CACNA1H: variants seen among roughly 807,000 people sequenced by gnomAD.
The protein encoded by CACNA1H is voltage-dependent T-type calcium channel subunit alpha-1H.
A neutral mutation model predicts 192.5 loss-of-function variants in CACNA1H; 149 were observed. The ratio of observed to expected loss-of-function variants is 0.77; its 90% CI spans 0.68 to 0.89. The LOEUF (loss-of-function observed/expected upper bound fraction) is 0.89. CACNA1H is among the 40% of genes least tolerant of loss of function. The pLI, the probability that CACNA1H is intolerant of heterozygous loss-of-function variation, is 0.00. For synonymous variants in CACNA1H, 2,202 were observed against 1,475.2 expected (o/e 1.49, Z -11.29); for missense variants, 4,257 against 3,423.5 (o/e 1.24, Z -6.08).
Position 1,198,628 on chromosome 16 carries a change from G to C in CACNA1H, c.657G>C (p.Leu219=), listed in dbSNP as rs376669194. The C allele has an allele frequency of 8.7e-6, 14 of 1,613,040 alleles. No individual in the cohort carries two copies. Among genetic ancestry groups the C allele is most frequent in the African/African-American group, 1.3e-5 (1 of 74,876 alleles). The change falls in exon 6 of 35, where the codon CTG becomes CTC. Residue 219 remains leucine (L), a synonymous_variant. Coordinates refer to ENST00000348261, the MANE Select transcript of CACNA1H (RefSeq NM_021098.3). The part of the protein sequence containing the change: ...AINRVPSMRI[L]VTLLLDTLPM... ...TGCTGCCCACAGGCATGCGGATCCT[G>C]GTCACTCTGCTGCTGGATACGCTGC...
At chr16:1,156,746 T>C (rs903893144) in intron 2 of CACNA1H, among the ~76,000 whole-genome samples, 1 of 151,864 alleles carries the variant, frequency 6.6e-6, no homozygotes, top group Non-Finnish European at 1.5e-5. Flanking sequence ...CCCCAGCTGC[T>C]GTCCGCCGGG....
At chr16:1,196,214 A>T (rs1240208624) in intron 5 of CACNA1H, among the ~76,000 whole-genome samples, 191 bp downstream of exon 5, 1 of 152,240 alleles carries the variant, frequency 6.6e-6, no homozygotes, top group African/African-American at 2.4e-5. Flanking sequence ...GTCAGGGGAG[A>T]ATCAAGCTGC....
chr16:1,195,404 C>T (rs987935496), intron 3 of CACNA1H, 28 bp from the exon 4 acceptor site: 8 of 1,550,186 alleles, frequency 5.2e-6, no homozygotes, highest in Middle Eastern at 3.8e-4. Flanking sequence ...AGCTGTTCCA[C>T]GGGCCCTCCT....
intron 8 of CACNA1H, 141 bp from the exon 9 acceptor site, chr16:1,201,522 A>G: frequency 9.7e-7 from 1 of 1,028,216 alleles, no homozygotes; most frequent in Non-Finnish European, 1.4e-6. Context: ...TGAACACCGC[A>G]GCAGCCTGCC....
chr16:1,169,837 G>C (rs553183846), intron 2 of CACNA1H, among the ~76,000 whole-genome samples: 35 of 152,372 alleles, frequency 2.3e-4, no homozygotes, highest in Admixed American at 2.2e-3. Flanking sequence ...GCCCAGGACC[G>C]GCTTCCCCGT....
intron 2 of CACNA1H, among the ~76,000 whole-genome samples, chr16:1,194,099 G>A (rs959764228): frequency 3.3e-5 from 5 of 152,234 alleles, no homozygotes; most frequent in South Asian, 4.2e-4. Flanking sequence ...TGTGGTCTGC[G>A]CCAGGTGGGT....
chr16:1,163,445 C>G (rs1240732613), intron 2 of CACNA1H, among the ~76,000 whole-genome samples: 6 of 152,230 alleles, frequency 3.9e-5, no homozygotes, highest in Non-Finnish European at 8.8e-5. Flanking sequence ...CCAGCCCCCT[C>G]TGAAGCCGCA....
chr16:1,199,529 C>T lies in CACNA1H; in HGVS notation c.804-727C>T, dbSNP rs77356641. On this transcript the variant is annotated intron_variant, in intron 6 of 34. Transcript: ENST00000348261. ...TGTCCCACCCCCAGTGCTGCCACCT[C>T]TCAGCCCCCAAGACAGGTTAGTCCC... 1.3e-3 allele frequency among the ~76,000 whole-genome samples: 196 copies of T among 147,744 alleles called. 7 individuals carry two copies. The highest frequency in any genetic ancestry group is 3.5e-3 in the African/African-American group (135 of 38,906).
chr16:1,215,652 C>T (rs900400864), intron 30 of CACNA1H, 59 bp downstream of exon 30: 12 of 1,414,550 alleles, frequency 8.5e-6, no homozygotes, highest in South Asian at 2.5e-5. Context: ...TTGCAGGGAG[C>T]GCCTCGCCGT....
chr16:1,221,742 G>T lies in CACNA1H; in HGVS notation c.*748G>T. 1 of 1,516,856 alleles carries T rather than the reference G, an allele frequency of 6.6e-7. No homozygotes were observed. The highest frequency in any genetic ancestry group is 8.9e-7 in the Non-Finnish European group (1 of 1,121,324). The allele number at this position is 1,516,856 out of a possible 1,614,324, so 94.0% of individuals were successfully genotyped here. A position where few individuals can be genotyped will look rare whatever the true frequency, so the allele number is the denominator to read the frequency against. ...TCAAGGGAGAGGGAGGGGGCGGAGC[G>T]GAATAAATAGTAACTTATTTAAGAA... On this transcript the variant is annotated 3_prime_UTR_variant, in exon 35 of 35. Transcript: ENST00000348261.
chr16:1,171,223 C>T (rs1475744835), intron 2 of CACNA1H, among the ~76,000 whole-genome samples: 1 of 152,064 alleles, frequency 6.6e-6, no homozygotes, highest in Non-Finnish European at 1.5e-5. Context: ...CGCCCAGGAT[C>T]ACCTCCTCGT....
intron 2 of CACNA1H, among the ~76,000 whole-genome samples, chr16:1,193,059 C>A (rs559442141): frequency 2.0e-5 from 3 of 152,166 alleles, no homozygotes; most frequent in Non-Finnish European, 4.4e-5. Flanking sequence ...CTCAGCCAGG[C>A]TGGGGTAGAG....
At chr16:1,184,145 C>T (rs967806596) in intron 2 of CACNA1H, among the ~76,000 whole-genome samples, 1 of 152,256 alleles carries the variant, frequency 6.6e-6, no homozygotes, top group Non-Finnish European at 1.5e-5. Flanking sequence ...GGGCATCACT[C>T]CTGCCCACAG....
At chr16:1,211,846 C>T in intron 24 of CACNA1H, 41 bp downstream of exon 24, 1 of 1,610,350 alleles carries the variant, frequency 6.2e-7, no homozygotes, top group South Asian at 1.1e-5. Context: ...TCAGGGTCTC[C>T]CGCGAGCGGC....
chr16:1,189,184 G>A (rs755692127), intron 2 of CACNA1H, among the ~76,000 whole-genome samples: 3 of 151,548 alleles, frequency 2.0e-5, no homozygotes, highest in Non-Finnish European at 2.9e-5. Flanking sequence ...TTCTCCTCCC[G>A]GAGACTGAGG....
Position 1,192,402 on chromosome 16 carries a change from G to A in CACNA1H, c.300-2570G>A, listed in dbSNP as rs370881269. ...GGTGACTGGCACTGATGGGCCCTGGGCTCTGACACCATCCACTCCACTCTG... is the reference window on the plus strand; with the variant it reads ...GGTGACTGGCACTGATGGGCCCTGGACTCTGACACCATCCACTCCACTCTG... On this transcript the variant is annotated intron_variant, in intron 2 of 34. Coordinates refer to ENST00000348261, the MANE Select transcript of CACNA1H (RefSeq NM_021098.3). Among the ~76,000 whole-genome samples the A allele has an allele frequency of 7.9e-5, 12 of 152,356 alleles. No individual in the cohort carries two copies. In the East Asian group the frequency reaches 1.5e-3, roughly 20 times the overall value.
In CACNA1H at chr16:1,220,161, C is replaced by T. The variant is rs376607278; in HGVS notation, c.6229C>T (p.Arg2077Cys). ...CACTCGTAAGCATACCTTCGGACAG[C>T]GCTGCGTCTCCAGCCGGCCGGCGGC... ...VRTRKHTFGQ[R>C]CVSSRPAAPG... Residue 2077 changes from arginine (R) to cysteine (C), a missense_variant, in exon 35 of 35, where the codon CGC becomes TGC. Arg to Cys is a radical substitution (Grantham distance 180). Coordinates refer to ENST00000348261, the MANE Select transcript of CACNA1H (RefSeq NM_021098.3). 1.9e-5 allele frequency: 29 copies of T among 1,527,152 alleles called. No homozygotes were observed. In the African/African-American group the frequency reaches 3.1e-4, roughly 17 times the overall value. The allele number at this position is 1,527,152 out of a possible 1,614,324, so 94.6% of individuals were successfully genotyped here. A position where few individuals can be genotyped will look rare whatever the true frequency, so the allele number is the denominator to read the frequency against.
In CACNA1H at chr16:1,168,646, T is replaced by A. The variant is rs568681603; in HGVS notation, c.299+14610T>A. Among the ~76,000 whole-genome samples, 3 of 152,154 alleles carry A rather than the reference T, an allele frequency of 2.0e-5. No individual in the cohort carries two copies. In the East Asian group the frequency reaches 5.9e-4, roughly 30 times the overall value. On this transcript the variant is annotated intron_variant, in intron 2 of 34. Transcript: ENST00000348261. The stretch of plus-strand genomic sequence containing the variant: ...TGTCCCCCGAGCCCCTCATGCATCG[T>A]GCTCGGCCGAGTTGGCCCTGTGTCA...
intron 2 of CACNA1H, among the ~76,000 whole-genome samples, chr16:1,173,906 A>G (rs1322616278): frequency 6.6e-6 from 1 of 152,162 alleles, no homozygotes; most frequent in Non-Finnish European, 1.5e-5. Context: ...ACCTGTGCAC[A>G]CAGTGGGGCC....
Sources: gnomAD v4.1 joint callset for allele counts (sites outside exome capture counted in the v4.1 genomes callset) on GRCh38, gnomAD v4.1.1 for gene constraint, MANE v1.5 for transcripts, NCBI Gene and HGNC (gene_info 2026-07-23, HGNC 2026-07-21) for gene names.